KDM5C: variants seen among roughly 807,000 people sequenced by gnomAD.
KDM5C encodes lysine demethylase 5C, also known as lysine-specific demethylase 5C.
A neutral mutation model predicts 110.6 loss-of-function variants in KDM5C; 16 were observed. The ratio of observed to expected loss-of-function variants is 0.14; its 90% CI spans 0.10 to 0.22. The LOEUF is 0.22. KDM5C is among the 10% of genes least tolerant of loss of function. KDM5C has a pLI of 1.00. For synonymous variants in KDM5C, 511 were observed against 520.4 expected (o/e 0.98, Z 0.24); for missense variants, 681 against 1,300.9 (o/e 0.52, Z 7.33).
At position 53,193,148 on chromosome X, in the gene KDM5C, T is replaced by G; in HGVS notation, c.4502A>C (p.Glu1501Ala). 3 of 1,210,383 alleles carry G rather than the reference T, an allele frequency of 2.5e-6. No homozygotes were observed. The highest frequency in any genetic ancestry group is 3.4e-6 in the Non-Finnish European group (3 of 895,009). ...EVQEEEELEE[E>A]TGGEGPPAPI... is the part of the protein sequence containing the mutation. ...TGCAGGGGGGCCCTCACCCCCAGTC[T>G]CCTCCTCCAGCTCTTCCTCCTCCTG... is the stretch of plus-strand genomic sequence containing the variant. The change falls in exon 26 of 26, where the codon GAG becomes GCG. Residue 1501 changes from glutamate to alanine, a missense_variant. By Grantham distance (107) the Glu-to-Ala change is moderately radical. Coordinates refer to ENST00000375401, the MANE Select transcript of KDM5C (RefSeq NM_004187.5).
At position 53,193,299 on chromosome X, in the gene KDM5C, G is replaced by A. The variant is rs2146813503; in HGVS notation, c.4351C>T (p.Arg1451Trp). 6 of 1,209,751 alleles carry A rather than the reference G, an allele frequency of 5.0e-6. No homozygotes were observed. Among genetic ancestry groups the A allele is most frequent in the Non-Finnish European group, 6.7e-6 (6 of 895,125 alleles). ...EKAERHGSRA[R>W]GRALERRRRR... ...CGCCGCCTCTCCAGGGCCCGGCCCC[G>A]AGCCCGACTCCCGTGACGCTCTGCC... The change falls in exon 26 of 26, where the codon CGG becomes TGG. Residue 1451 changes from arginine (R) to tryptophan (W), a missense_variant. By Grantham distance (101) the Arg-to-Trp change is moderately radical (BLOSUM62 -3). This residue lies in a region of KDM5C where 115 missense variants were observed against 120.9 expected (regional missense o/e 0.95). Coordinates refer to ENST00000375401, the MANE Select transcript of KDM5C (RefSeq NM_004187.5).
At chrX:53,191,240 AGAGAG>A, downstream of KDM5C, 1 of 170,056 alleles carries the variant, frequency 5.9e-6, no homozygotes, top group Non-Finnish European at 1.1e-5. Context: ...GGGACTCAGA[AGAGAG>A]ATCTTTCCAA....
chrX:53,198,773 G>A lies in KDM5C; in HGVS notation c.2359C>T (p.Arg787Trp), dbSNP rs2146850664. The A allele has an allele frequency of 8.3e-7, 1 of 1,212,104 alleles. No homozygotes were observed. Among genetic ancestry groups the A allele is most frequent in the Non-Finnish European group, 1.1e-6 (1 of 895,554 alleles). ...CCCCCCCATCACTCACTGCGCTTCC[G>A]CCCATCCTCCACCTCCAGGGCCACT... ...VRVALEVEDG[R>W]KRSLEELRAL... Residue 787 changes from arginine to tryptophan, a missense_variant, in exon 16 of 26, where the codon CGG becomes TGG. Physicochemically the swap from Arg to Trp is moderately radical, Grantham distance 101. Coordinates refer to ENST00000375401, the MANE Select transcript of KDM5C (RefSeq NM_004187.5).
chrX:53,188,002 A>C (rs1353369981), downstream of KDM5C, among the ~76,000 whole-genome samples: 9 of 110,797 alleles, frequency 8.1e-5, no homozygotes, highest in African/African-American at 3.0e-4. Context: ...TCGGCCTCCC[A>C]AAGTGCTGGG....
At chrX:53,183,127 T>TAAAC (rs1182120923) in intron 25 of KDM5C, among the ~76,000 whole-genome samples, 2 of 109,868 alleles carry the variant, frequency 1.8e-5, no homozygotes. Flanking sequence ...GGCACTCTTG[T>TAAAC]AAAACATCAA....
intron 14 of KDM5C, 70 bp from the exon 15 acceptor site, chrX:53,199,228 AC>A: frequency 9.5e-7 from 1 of 1,049,845 alleles, no homozygotes; most frequent in South Asian, 1.9e-5. Context: ...CTCAGCCACC[AC>A]CGACCCCTAC....
chrX:53,187,854 G>A (rs1211812337), downstream of KDM5C, among the ~76,000 whole-genome samples: 1 of 109,632 alleles, frequency 9.1e-6, no homozygotes, highest in African/African-American at 3.3e-5. Context: ...CCGTCTCCCG[G>A]GTTCAAGCGA....
chrX:53,217,712 C>T, intron 4 of KDM5C, 84 bp downstream of exon 4: 1 of 1,045,120 alleles, frequency 9.6e-7, no homozygotes, highest in Non-Finnish European at 1.3e-6. Context: ...GTCTCCAGTC[C>T]ACTAAACCAG....
intron 25 of KDM5C, among the ~76,000 whole-genome samples, chrX:53,183,471 C>T (rs1934125334): frequency 9.3e-6 from 1 of 108,038 alleles, no homozygotes; most frequent in Non-Finnish European, 1.9e-5. Flanking sequence ...AAAAAATTGG[C>T]CATTTGACTT....
At position 53,198,894 on chromosome X, in the gene KDM5C, G is replaced by C. The variant is rs782782872; in HGVS notation, c.2244-6C>G. 3.3e-6 allele frequency: 4 copies of C among 1,212,215 alleles called. No individual in the cohort carries two copies. In the South Asian group the frequency reaches 5.3e-5, roughly 16 times the overall value. On this transcript the variant is annotated splice_region_variant and splice_polypyrimidine_tract_variant and intron_variant, in intron 15 of 25. Coordinates refer to ENST00000375401, the MANE Select transcript of KDM5C (RefSeq NM_004187.5). ...CATCCAAGGTATACCGATACCTGGA[G>C]GAAGAGGGCAGGCAAGAGCATGTCT...
At chrX:53,208,970 C>T (rs2073472744) in intron 12 of KDM5C, among the ~76,000 whole-genome samples, 1 of 108,428 alleles carries the variant, frequency 9.2e-6, no homozygotes, top group Non-Finnish European at 1.9e-5. Flanking sequence ...CGTGCGCCAC[C>T]ATACCTGGCT....
intron 25 of KDM5C, among the ~76,000 whole-genome samples, chrX:53,181,851 C>A (rs1334136887): frequency 1.9e-5 from 2 of 106,724 alleles, no homozygotes; most frequent in African/African-American, 6.9e-5. Context: ...TGCAGTGGAG[C>A]GATCTCAGCT....
rs2146822982 is a variant in KDM5C, at chrX:53,194,616, G to C, written c.3561C>G (p.Ile1187Met). The change falls in exon 23 of 26, where the codon ATC (isoleucine) becomes ATG (methionine). Residue 1187 changes from isoleucine to methionine, a missense_variant. By Grantham distance (10) the Ile-to-Met change is conservative. Coordinates refer to ENST00000375401, the MANE Select transcript of KDM5C (RefSeq NM_004187.5). ...CAGCCAGCACCTGCCCACACACACA[G>C]ATAGAGGTTGTAGAGGAGGCCGTGC... ...SSSTASSTTSICVCGQVLAGA... is the reference protein window; with the variant it reads ...SSSTASSTTSMCVCGQVLAGA... 8.3e-7 allele frequency: 1 copy of C among 1,212,090 alleles called. No individual in the cohort carries two copies. Among genetic ancestry groups the C allele is most frequent in the Admixed American group, 2.2e-5 (1 of 46,109 alleles).
Position 53,217,837 on chromosome X carries a change from C to G in KDM5C, c.481G>C (p.Val161Leu). Reference sequence around the variant, plus strand: ...GACTGGTACATTTCATAGGGATAAACAATGCGTTCGTAGTGGGAGCGTAGC... The same window carrying G: ...GACTGGTACATTTCATAGGGATAAAGAATGCGTTCGTAGTGGGAGCGTAGC... ...SLLRSHYERI[V>L]YPYEMYQSGA... is the part of the protein sequence containing the mutation. Residue 161 changes from valine to leucine, a missense_variant, in exon 4 of 26, where the codon GTT becomes CTT. By Grantham distance (32) the Val-to-Leu change is conservative. This residue lies in a region of KDM5C where 55 missense variants were observed against 118.0 expected (regional missense o/e 0.47). Transcript: ENST00000375401. 8.3e-7 allele frequency: 1 copy of G among 1,211,633 alleles called. No individual in the cohort carries two copies. The highest frequency in any genetic ancestry group is 1.1e-6 in the Non-Finnish European group (1 of 895,454).
chrX:53,221,880 A>G, intron 1 of KDM5C: 2 of 424,263 alleles, frequency 4.7e-6, no homozygotes, highest in African/African-American at 5.0e-5. Flanking sequence ...GCCAAGTTGG[A>G]GCTTGCTGTG....
intron 12 of KDM5C, among the ~76,000 whole-genome samples, chrX:53,205,646 C>T (rs1339479060): frequency 1.8e-5 from 2 of 111,972 alleles, no homozygotes; most frequent in Admixed American, 1.9e-4. Context: ...TCCTGATAAC[C>T]CCCGCTTCCT....
At chrX:53,182,153 C>T (rs1205159271) in intron 25 of KDM5C, among the ~76,000 whole-genome samples, 1 of 107,672 alleles carries the variant, frequency 9.3e-6, no homozygotes, top group Non-Finnish European at 1.9e-5. Flanking sequence ...GGCTTGATCT[C>T]GGCTCACCAC....
At position 53,195,356 on chromosome X, in the gene KDM5C, G is replaced by A. The variant is rs1556835963; in HGVS notation, c.3175C>T (p.Arg1059Trp). 1 of 1,206,975 alleles carries A rather than the reference G, an allele frequency of 8.3e-7. No homozygotes were observed. The highest frequency in any genetic ancestry group is 1.1e-6 in the Non-Finnish European group (1 of 893,044). The change falls in exon 21 of 26, where the codon CGG becomes TGG. Residue 1059 changes from arginine (R) to tryptophan (W), a missense_variant. Around this residue, in one of 14 missense-constraint regions of KDM5C, gnomAD observed 66 missense variants for 162.9 expected, o/e 0.41. Transcript: ENST00000375401. Reference protein sequence around the residue: ...DDLEGLVAVGRDLPVGLEELR... With the variant: ...DDLEGLVAVGWDLPVGLEELR... ...TCCTCCAGCCCCACAGGTAGGTCCC[G>A]GCCCACAGCTACTAGGCCCTCCAAG... is the stretch of plus-strand genomic sequence containing the variant.
intron 12 of KDM5C, among the ~76,000 whole-genome samples, chrX:53,209,017 G>C (rs1237934572): frequency 9.4e-6 from 1 of 106,745 alleles, no homozygotes; most frequent in African/African-American, 3.4e-5. Flanking sequence ...GGGTTTCACC[G>C]TGTCGGCCAA....
Sources: gnomAD v4.1 joint callset for allele counts (sites outside exome capture counted in the v4.1 genomes callset) on GRCh38, gnomAD v4.1.1 for gene constraint, gnomAD v4.1.1 regional missense constraint, MANE v1.5 for transcripts, NCBI Gene and HGNC (gene_info 2026-07-23, HGNC 2026-07-21) for gene names.